The following FXYD2 variants were observed in gnomAD, a reference collection of about 807,000 sequenced individuals.
FXYD2 encodes the protein sodium/potassium-transporting ATPase subunit gamma.
A neutral mutation model predicts 11.8 loss-of-function variants in FXYD2; 8 were observed. The ratio of observed to expected loss-of-function variants is 0.68; its 90% CI spans 0.40 to 1.22. FXYD2 has a LOEUF of 1.22. FXYD2 is among the 50% of genes most tolerant of loss of function. The pLI, the probability that FXYD2 is intolerant of heterozygous loss-of-function variation, is 0.01. For synonymous variants in FXYD2, 42 were observed against 33.3 expected, an observed-to-expected ratio of 1.26 and a Z score of -0.90; for missense variants, 92 against 91.8, an observed-to-expected ratio of 1.00 and a Z score of -0.01.
intron 3 of FXYD2, chr11:117,821,370 T>C (rs2055899312): frequency 1.0e-6 from 1 of 989,746 alleles, no homozygotes; most frequent in Non-Finnish European, 1.2e-6. Context: ...CTTCTCTCTC[T>C]TTATATAAGG....
chr11:117,827,894 C>T (rs2056077624), upstream of FXYD2: 1 of 822,630 alleles, frequency 1.2e-6, no homozygotes, highest in Non-Finnish European at 2.1e-6. Context: ...TTCTGCTTTT[C>T]CTGCACTTCT....
Position 117,822,846 on chromosome 11 carries a change from G to A in FXYD2, c.26-129C>T, listed in dbSNP as rs1020005731. The A allele has an allele frequency of 3.1e-6, 4 of 1,282,468 alleles. No homozygotes were observed. In the African/African-American group the frequency reaches 4.4e-5, roughly 14 times the overall value. 79.4% of individuals were successfully genotyped at this position (1,282,468 alleles called of 1,614,324 possible). A position where few individuals can be genotyped will look rare whatever the true frequency, so the allele number is the denominator to read the frequency against. On this transcript the variant is annotated intron_variant, in intron 1 of 5. Transcript: ENST00000292079. This position sits in a 1 kb window ranked among gnomAD's most constrained non-coding sequence, Gnocchi z 4.7. Reference sequence around the variant, plus strand: ...GTCCAAGCAGGCGAGGGGAGGCTGGGAGCAGGGGTGTTGCTAAAACCATTG... The same window carrying A: ...GTCCAAGCAGGCGAGGGGAGGCTGGAAGCAGGGGTGTTGCTAAAACCATTG...
Position 117,822,091 on chromosome 11 carries a change from G to A in FXYD2, c.139+315C>T. 7.6e-7 allele frequency: 1 copy of A among 1,315,556 alleles called. No homozygotes were observed. Among genetic ancestry groups the A allele is most frequent in the Non-Finnish European group, 9.8e-7 (1 of 1,022,874 alleles). 81.5% of individuals were successfully genotyped at this position (1,315,556 alleles called of 1,614,324 possible). A position where few individuals can be genotyped will look rare whatever the true frequency, so the allele number is the denominator to read the frequency against. ...CATCCCTATTTAACAAATGAGTTTG[G>A]GACCATGGTTAGCAGCGGGGGGCCT... is the stretch of plus-strand genomic sequence containing the variant. On this transcript the variant is annotated intron_variant, in intron 3 of 5. Transcript: ENST00000292079. The surrounding 1 kb of genome is among the most constrained non-coding windows in gnomAD (Gnocchi z 4.7).
In FXYD2 at chr11:117,822,385, C is replaced by T. The variant is rs1361123498; in HGVS notation, c.139+21G>A. The T allele has an allele frequency of 1.3e-6, 2 of 1,552,790 alleles. No individual in the cohort carries two copies. Among genetic ancestry groups the T allele is most frequent in the African/African-American group, 2.7e-5 (2 of 73,230 alleles). ...GAGGTGCCCTGGTCAGCACCCCTTC[C>T]CTGGAGGCCACCCCACTTACTGAGG... On this transcript the variant is annotated intron_variant, in intron 3 of 5. Transcript: ENST00000292079. The surrounding 1 kb of genome is among the most constrained non-coding windows in gnomAD (Gnocchi z 4.7).
chr11:117,822,014 C>T lies in FXYD2; in HGVS notation c.139+392G>A. On this transcript the variant is annotated intron_variant, in intron 3 of 5. Transcript: ENST00000292079. The surrounding 1 kb of genome is among the most constrained non-coding windows in gnomAD (Gnocchi z 4.7). Reference sequence around the variant, plus strand: ...ACTGGACCGTTCTCAGAGCGCTGTCCTGACTGCCATGTCTTTGGATGCTAG... The same window carrying T: ...ACTGGACCGTTCTCAGAGCGCTGTCTTGACTGCCATGTCTTTGGATGCTAG... 12 of 1,190,566 alleles carry T rather than the reference C, an allele frequency of 1.0e-5. No homozygotes were observed. The highest frequency in any genetic ancestry group is 1.3e-5 in the Non-Finnish European group (12 of 946,726). The allele number at this position is 1,190,566 out of a possible 1,614,324, so 73.8% of individuals were successfully genotyped here.
Position 117,822,521 on chromosome 11 carries a change from C to A in FXYD2, c.65-41G>T. On this transcript the variant is annotated intron_variant, in intron 2 of 5. Transcript: ENST00000292079. The surrounding 1 kb of genome is among the most constrained non-coding windows in gnomAD (Gnocchi z 4.7). ...GCAAGAGGAGCGGGATGGGTGGTCT[C>A]TCCCAGCAGCTGTCTCTCTCCGCAG... The A allele has an allele frequency of 6.4e-7, 1 of 1,555,856 alleles. No homozygotes were observed. The highest frequency in any genetic ancestry group is 8.7e-7 in the Non-Finnish European group (1 of 1,149,054).
chr11:117,822,746 G>GCCAGGAGA lies in FXYD2; in HGVS notation c.26-30_26-29insTCTCCTGG. On this transcript the variant is annotated intron_variant, in intron 1 of 5. Coordinates refer to ENST00000292079, the MANE Select transcript of FXYD2 (RefSeq NM_001680.5). This position sits in a 1 kb window ranked among gnomAD's most constrained non-coding sequence, Gnocchi z 4.7. ...GGAGAGAGCCAGAGGTGGGATGAGAGGAGTCACCGATGGTGAGCCAGCCAC... is the reference window on the plus strand; with the variant it reads ...GGAGAGAGCCAGAGGTGGGATGAGAGCCAGGAGAGAGTCACCGATGGTGAGCCAGCCAC... 1.2e-6 allele frequency: 2 copies of GCCAGGAGA among 1,603,978 alleles called. No individual in the cohort carries two copies. The highest frequency in any genetic ancestry group is 1.7e-6 in the Non-Finnish European group (2 of 1,177,260).
At position 117,824,519 on chromosome 11, in the gene FXYD2, G is replaced by A. The variant is rs2055992815; in HGVS notation, c.25+135C>T. 1 of 757,400 alleles carries A rather than the reference G, an allele frequency of 1.3e-6. No individual in the cohort carries two copies. The highest frequency in any genetic ancestry group is 2.3e-6 in the Non-Finnish European group (1 of 425,556). The allele number at this position is 757,400 out of a possible 1,614,324, so 46.9% of individuals were successfully genotyped here. ...ATTTTCTTAGAGAGGAGGCCGACAG[G>A]AAGAGGGGCTGGGTACTCTGGAAGG... is the stretch of plus-strand genomic sequence containing the variant. On this transcript the variant is annotated intron_variant, in intron 1 of 5. Coordinates refer to ENST00000292079, the MANE Select transcript of FXYD2 (RefSeq NM_001680.5). This position sits in a 1 kb window ranked among gnomAD's most constrained non-coding sequence, Gnocchi z 4.0.
chr11:117,821,035 G>A (rs969187658), intron 3 of FXYD2, 140 bp from the exon 4 acceptor site: 276 of 990,100 alleles, frequency 2.8e-4, no homozygotes, highest in Admixed American at 1.2e-3. Context: ...ACGTTTGACT[G>A]TCTCTATTTT....
chr11:117,821,935 G>C, intron 3 of FXYD2: 1 of 1,032,184 alleles, frequency 9.7e-7, no homozygotes, highest in Non-Finnish European at 1.2e-6. Flanking sequence ...TGTGCCCCTC[G>C]GGGCTTGAGG....
At chr11:117,827,860 T>C, upstream of FXYD2, 2 of 728,800 alleles carry the variant, frequency 2.7e-6, no homozygotes, top group South Asian at 3.0e-5. Flanking sequence ...GATGCTCTTT[T>C]TTGGAAATTC....
At chr11:117,821,303 C>A (rs956560708) in intron 3 of FXYD2, 1 of 956,196 alleles carries the variant, frequency 1.0e-6, no homozygotes. Flanking sequence ...TCAAGAGATC[C>A]TCCTGCCTTG....
chr11:117,821,767 C>T (rs1591533368), intron 3 of FXYD2: 1 of 989,040 alleles, frequency 1.0e-6, no homozygotes, highest in Admixed American at 5.9e-5. Context: ...GGACTGTGGC[C>T]CGAGCCTTGG....
At chr11:117,827,963 C>G (rs1392206461), upstream of FXYD2, 1 of 1,400,472 alleles carries the variant, frequency 7.1e-7, no homozygotes, top group South Asian at 1.2e-5. Context: ...AGAGCCTGAG[C>G]AGGGAGGAGG....
chr11:117,826,999 CAG>C (rs899396846), upstream of FXYD2, among the ~76,000 whole-genome samples: 1 of 151,506 alleles, frequency 6.6e-6, no homozygotes, highest in Non-Finnish European at 1.5e-5. Context: ...AACAAAGCTG[CAG>C]TGTGGATGGA....
In FXYD2 at chr11:117,822,420, A is replaced by C. The variant is rs2055929443; in HGVS notation, c.125T>G (p.Leu42Arg). 1.3e-6 allele frequency: 2 copies of C among 1,559,490 alleles called. No individual in the cohort carries two copies. The highest frequency in any genetic ancestry group is 1.7e-6 in the Non-Finnish European group (2 of 1,150,960). Residue 42 changes from leucine to arginine, a missense_variant, in exon 3 of 6, where the codon CTC becomes CGC. Transcript: ENST00000292079. The surrounding 1 kb of genome is among the most constrained non-coding windows in gnomAD (Gnocchi z 4.7). The stretch of plus-strand genomic sequence containing the variant: ...ACCCCACTTACTGAGGAGGATGAGG[A>C]GCCCCACGATGAAGGCCAGTCCAGC... Reference protein sequence around the residue: ...IFAGLAFIVGLLILLSRRFRC... With the variant: ...IFAGLAFIVGRLILLSRRFRC...
chr11:117,822,571 C>A lies in FXYD2; in HGVS notation c.65-91G>T. The A allele has an allele frequency of 1.9e-6, 3 of 1,564,830 alleles. No homozygotes were observed. Among genetic ancestry groups the A allele is most frequent in the Non-Finnish European group, 2.6e-6 (3 of 1,154,252 alleles). ...GCCTGCCCGCAGCAGCCCGTGGTAA[C>A]CAGGGGAGATAAGGGGCACAGAGCA... On this transcript the variant is annotated intron_variant, in intron 2 of 5. Coordinates refer to ENST00000292079, the MANE Select transcript of FXYD2 (RefSeq NM_001680.5). The surrounding 1 kb of genome is among the most constrained non-coding windows in gnomAD (Gnocchi z 4.7).
upstream of FXYD2, among the ~76,000 whole-genome samples, chr11:117,827,143 T>C (rs1454872112): frequency 2.0e-5 from 3 of 151,736 alleles, no homozygotes; most frequent in Non-Finnish European, 4.4e-5. Context: ...TAGATATGGA[T>C]GATAGATCGA....
intron 1 of FXYD2, among the ~76,000 whole-genome samples, chr11:117,823,931 A>G (rs1357769808): frequency 3.3e-5 from 5 of 152,222 alleles, no homozygotes; most frequent in Non-Finnish European, 7.3e-5. Flanking sequence ...GAGGCCATGA[A>G]GGACCCAGGT....
Sources: allele counts gnomAD v4.1 joint callset (sites outside exome capture counted in the v4.1 genomes callset), GRCh38; gene constraint gnomAD v4.1.1; non-coding constraint Gnocchi (gnomAD v3.1); transcripts MANE v1.5; gene names NCBI Gene and HGNC (gene_info 2026-07-23, HGNC 2026-07-21).